Variants in TESK2 observed in about 807,000 individuals in gnomAD.
TESK2 encodes dual specificity testis-specific protein kinase 2.
Under a neutral mutation model 57.1 loss-of-function variants are expected in TESK2, and 39 were observed. The observed-to-expected ratio is 0.68, with a 90% CI of 0.53 to 0.89. The LOEUF (loss-of-function observed/expected upper bound fraction) is 0.89, where lower values mean the gene tolerates loss of function less well. Among genes scored for constraint, TESK2 ranks in the 40% least tolerant of loss-of-function variants. TESK2 has a pLI of 0.00. For synonymous variants in TESK2, 249 were observed against 267.9 expected (o/e 0.93, Z 0.69); for missense variants, 646 against 732.1 (o/e 0.88, Z 1.36).
intron 4 of TESK2, among the ~76,000 whole-genome samples, chr1:45,366,285 A>C (rs1481130980): frequency 6.6e-6 from 1 of 151,570 alleles, no homozygotes; most frequent in African/African-American, 2.4e-5. Flanking sequence ...ACGGAGTTTC[A>C]ACATGTTGGC....
At chr1:45,436,371 G>A (rs534802937) in intron 2 of TESK2, among the ~76,000 whole-genome samples, 170 of 149,316 alleles carry the variant, frequency 1.1e-3, no homozygotes, top group African/African-American at 3.9e-3. Context: ...TTTTAGTAGA[G>A]ATGGGGTTTC....
At position 45,424,737 on chromosome 1, in the gene TESK2, C is replaced by G. The variant is rs111697326; in HGVS notation, c.223-2891G>C. Among the ~76,000 whole-genome samples, 811 of 152,238 alleles carry G rather than the reference C, an allele frequency of 5.3e-3. 9 individuals carry two copies. Among genetic ancestry groups the G allele is most frequent in the African/African-American group, 0.018 (766 of 41,554 alleles). On this transcript the variant is annotated intron_variant, in intron 2 of 10. Coordinates refer to ENST00000372086, the MANE Select transcript of TESK2 (RefSeq NM_007170.3). ...TTCATCCTGACCAACCGGGATTTAT[C>G]CCTGGGATGTAAGGATAGTTCAACA...
chr1:45,423,304 T>A (rs1462768422), intron 2 of TESK2, among the ~76,000 whole-genome samples: 1 of 152,106 alleles, frequency 6.6e-6, no homozygotes, highest in South Asian at 2.1e-4. Flanking sequence ...ACGCCTGTAA[T>A]CCCAGGACTT....
At chr1:45,346,665 T>C (rs916254424) in intron 9 of TESK2, 28 bp downstream of exon 9, 10 of 1,597,694 alleles carry the variant, frequency 6.3e-6, no homozygotes, top group Non-Finnish European at 8.6e-6. Context: ...CAGCCCCTGA[T>C]GAAAGGCAGA....
chr1:45,445,843 C>G (rs932638422), intron 2 of TESK2, among the ~76,000 whole-genome samples: 3 of 150,852 alleles, frequency 2.0e-5, no homozygotes, highest in Non-Finnish European at 4.4e-5. Flanking sequence ...CAATTAATAG[C>G]AGGACTTATG....
intron 4 of TESK2, among the ~76,000 whole-genome samples, chr1:45,361,738 G>C (rs1647695091): frequency 1.3e-5 from 2 of 152,186 alleles, no homozygotes; most frequent in South Asian, 4.1e-4. Flanking sequence ...CAAAGGCACA[G>C]AGAAGTGGAC....
chr1:45,347,791 A>C (rs1647167719), intron 6 of TESK2, 98 bp from the exon 7 acceptor site: 1 of 1,479,678 alleles, frequency 6.8e-7, no homozygotes, highest in Non-Finnish European at 9.4e-7. Flanking sequence ...ACAGACGAGG[A>C]CTAAACAAAT....
chr1:45,484,272 C>T (rs1339584454), intron 1 of TESK2, among the ~76,000 whole-genome samples: 1 of 151,824 alleles, frequency 6.6e-6, no homozygotes, highest in African/African-American at 2.4e-5. Flanking sequence ...CCATGCCTGG[C>T]TAATTTTTGT....
chr1:45,350,367 A>C (rs979196009), intron 5 of TESK2, among the ~76,000 whole-genome samples: 1 of 152,210 alleles, frequency 6.6e-6, no homozygotes, highest in Non-Finnish European at 1.5e-5. Context: ...AAGCCACCTG[A>C]GTGAAGAAAT....
At chr1:45,442,533 T>C (rs1474354302) in intron 2 of TESK2, among the ~76,000 whole-genome samples, 2 of 152,192 alleles carry the variant, frequency 1.3e-5, no homozygotes, top group African/African-American at 2.4e-5. Flanking sequence ...AAGAGCCTTT[T>C]ACTGTATCCC....
At chr1:45,459,377 A>G (rs1333612112) in intron 1 of TESK2, among the ~76,000 whole-genome samples, 1 of 152,172 alleles carries the variant, frequency 6.6e-6, no homozygotes, top group Non-Finnish European at 1.5e-5. Flanking sequence ...CTGCATCCTG[A>G]GGTTCCATGA....
chr1:45,411,654 C>A (rs1393435110), intron 3 of TESK2, among the ~76,000 whole-genome samples: 1 of 152,122 alleles, frequency 6.6e-6, no homozygotes, highest in Non-Finnish European at 1.5e-5. Context: ...GACTTTTCCA[C>A]ACCCCCAATT....
intron 3 of TESK2, among the ~76,000 whole-genome samples, chr1:45,400,622 G>A (rs1649558321): frequency 6.6e-6 from 1 of 152,092 alleles, no homozygotes; most frequent in South Asian, 2.1e-4. Flanking sequence ...GGTGGCATTC[G>A]CATTCAGTCA....
In TESK2 at chr1:45,347,604, C is replaced by G. The variant is rs1647164923; in HGVS notation, c.708+5G>C. 5.0e-6 allele frequency: 8 copies of G among 1,613,272 alleles called. No homozygotes were observed. The highest frequency in any genetic ancestry group is 6.8e-6 in the Non-Finnish European group (8 of 1,179,642). ...GAATCAGGCCTTGAGATCCTCCAAA[C>G]TTACCTTTTCATTATAGGGCTCATC... On this transcript the variant is annotated splice_donor_5th_base_variant and intron_variant, in intron 7 of 10. Transcript: ENST00000372086.
At chr1:45,383,544 A>G (rs1478909553) in intron 4 of TESK2, among the ~76,000 whole-genome samples, 2 of 152,230 alleles carry the variant, frequency 1.3e-5, no homozygotes, top group Non-Finnish European at 2.9e-5. Flanking sequence ...TAAGTACAAC[A>G]TGGCCAAGAG....
chr1:45,401,213 G>A (rs138636082), intron 3 of TESK2, among the ~76,000 whole-genome samples: 2,453 of 151,510 alleles, frequency 0.016, 29 homozygotes, highest in Non-Finnish European at 0.024. Flanking sequence ...CCTGACCAAC[G>A]TGGTGAAACC....
chr1:45,445,653 G>C (rs1387386706), intron 2 of TESK2, among the ~76,000 whole-genome samples: 1 of 149,822 alleles, frequency 6.7e-6, no homozygotes, highest in Non-Finnish European at 1.5e-5. Context: ...AAAATCAGTG[G>C]GCATGGCAGC....
intron 2 of TESK2, among the ~76,000 whole-genome samples, chr1:45,446,268 G>A (rs1445974760): frequency 6.6e-6 from 1 of 151,394 alleles, no homozygotes; most frequent in Non-Finnish European, 1.5e-5. Context: ...GAACCAGCAT[G>A]GGCAACATAG....
Position 45,355,351 on chromosome 1 carries a change from G to A in TESK2, c.492C>T (p.Leu164=). 6.2e-7 allele frequency: 1 copy of A among 1,614,008 alleles called. No homozygotes were observed. Among genetic ancestry groups the A allele is most frequent in the Non-Finnish European group, 8.5e-7 (1 of 1,179,954 alleles). The change falls in exon 5 of 11, where the codon CTC becomes CTT. Residue 164 remains leucine, a synonymous_variant. Coordinates refer to ENST00000372086, the MANE Select transcript of TESK2 (RefSeq NM_007170.3). ...AAATGCCTTTGAAGTGAAGGTAGCT[G>A]AGGCCCACTGCTATGTCATAGGCCA... ...VKLAYDIAVG[L]SYLHFKGIFH...
Sources: allele counts gnomAD v4.1 joint callset (sites outside exome capture counted in the v4.1 genomes callset), GRCh38; gene constraint gnomAD v4.1.1; transcripts MANE v1.5; gene names NCBI Gene and HGNC (gene_info 2026-07-23, HGNC 2026-07-21).